The following KCNN2 variants were observed in gnomAD, a reference collection of about 807,000 sequenced individuals.
KCNN2 encodes potassium calcium-activated channel subfamily N member 2.
A neutral mutation model predicts 55.5 loss-of-function variants in KCNN2; 24 were observed. The observed-to-expected ratio is 0.43, with a 90% CI of 0.31 to 0.61. KCNN2 has a LOEUF of 0.61. Ranked by LOEUF, KCNN2 falls within the 20% of genes least tolerant of loss-of-function variation. The probability of loss-of-function intolerance (pLI) is 0.08; values close to 1 mark genes in which losing one functional copy is unlikely to be tolerated. For synonymous variants in KCNN2, 431 were observed against 336.1 expected (o/e 1.28, Z -3.09); for missense variants, 754 against 853.6 (o/e 0.88, Z 1.45).
chr5:114,101,597 C>G (rs1051685471), intron 1 of KCNN2, among the ~76,000 whole-genome samples: 5 of 151,910 alleles, frequency 3.3e-5, no homozygotes, highest in Non-Finnish European at 5.9e-5. Context: ...CCCCCACCCC[C>G]TAACAGGTCC....
Position 114,455,093 on chromosome 5 carries a change from G to T in KCNN2, c.1638-7956G>T, listed in dbSNP as rs150699384. 1.7e-4 allele frequency among the ~76,000 whole-genome samples: 26 copies of T among 151,814 alleles called. No homozygotes were observed. In the East Asian group the frequency reaches 4.4e-3, roughly 26 times the overall value. On this transcript the variant is annotated intron_variant, in intron 3 of 7. Transcript: ENST00000673685. ...TTCTTTTTCAATGTGTTACTTCAGT[G>T]GTTCCTTTGGGGTTTATGGCACACA...
intron 1 of KCNN2, among the ~76,000 whole-genome samples, chr5:114,161,440 TC>T (rs1352471559): frequency 6.8e-6 from 1 of 147,232 alleles, no homozygotes; most frequent in Non-Finnish European, 1.5e-5. Context: ...TAACATTTTT[TC>T]CTTCATTTCA....
At chr5:114,352,996 C>G (rs1267336769) in intron 2 of KCNN2, among the ~76,000 whole-genome samples, 1 of 151,862 alleles carries the variant, frequency 6.6e-6, no homozygotes, top group East Asian at 1.9e-4. Context: ...ATTAAAGTCT[C>G]TATTATTATT....
intron 3 of KCNN2, among the ~76,000 whole-genome samples, chr5:114,423,931 GC>G (rs1445925363): frequency 2.0e-5 from 3 of 152,170 alleles, no homozygotes; most frequent in African/African-American, 7.2e-5. Flanking sequence ...AAGGTGCAGG[GC>G]AGTTTCGAGG....
chr5:114,472,247 C>T (rs946668651), intron 4 of KCNN2, among the ~76,000 whole-genome samples: 1 of 151,494 alleles, frequency 6.6e-6, no homozygotes, highest in African/African-American at 2.4e-5. Flanking sequence ...CGTCTTTCAG[C>T]ACAGAAGACT....
intron 2 of KCNN2, among the ~76,000 whole-genome samples, chr5:114,331,684 A>G (rs1170560504): frequency 1.3e-5 from 2 of 152,244 alleles, no homozygotes; most frequent in Admixed American, 6.5e-5. Context: ...TTCATTAACA[A>G]GTGACCAAGT....
chr5:114,238,729 G>A (rs1754560075), intron 2 of KCNN2, among the ~76,000 whole-genome samples: 1 of 151,980 alleles, frequency 6.6e-6, no homozygotes, highest in Admixed American at 6.6e-5. Flanking sequence ...GGCAATTTAT[G>A]TTAATTTAGA....
At chr5:114,487,018 T>C (rs763352816) in intron 5 of KCNN2, 32 bp from the exon 6 acceptor site, 12 of 1,611,508 alleles carry the variant, frequency 7.4e-6, no homozygotes, top group Non-Finnish European at 9.3e-6. Context: ...TGCTCTGGAA[T>C]TTATCAACTG....
At chr5:114,484,946 G>A (rs1285011639) in intron 5 of KCNN2, among the ~76,000 whole-genome samples, 6 of 152,088 alleles carry the variant, frequency 3.9e-5, no homozygotes, top group Non-Finnish European at 5.9e-5. Context: ...ATAAGGCCTC[G>A]AGGGCATTAC....
At chr5:114,121,970 A>G (rs1751838283) in intron 1 of KCNN2, among the ~76,000 whole-genome samples, 1 of 152,256 alleles carries the variant, frequency 6.6e-6, no homozygotes, top group Non-Finnish European at 1.5e-5. Context: ...GTTTTACACC[A>G]TACAATTTTG....
In KCNN2 at chr5:114,481,392, A is replaced by G. The variant is rs191077100; in HGVS notation, c.1891-5658A>G. On this transcript the variant is annotated intron_variant, in intron 5 of 7. Transcript: ENST00000673685. ...AAACATTCCCTGCTCATAGATAAGA[A>G]TCAATATCATGAAAATAGCCATACT... Among the ~76,000 whole-genome samples, 336 of 152,228 alleles carry G rather than the reference A, an allele frequency of 2.2e-3. 2 individuals are homozygous for G. Among genetic ancestry groups the G allele is most frequent in the African/African-American group, 7.9e-3 (330 of 41,566 alleles).
At chr5:114,372,186 G>A (rs939623881) in intron 2 of KCNN2, among the ~76,000 whole-genome samples, 1 of 152,156 alleles carries the variant, frequency 6.6e-6, no homozygotes, top group Non-Finnish European at 1.5e-5. Flanking sequence ...AAACGTGGTC[G>A]ATATTGGTGG....
chr5:114,139,461 C>CT (rs1300708003), intron 1 of KCNN2, among the ~76,000 whole-genome samples: 1 of 148,910 alleles, frequency 6.7e-6, no homozygotes, highest in Non-Finnish European at 1.5e-5. Flanking sequence ...ACACAACCAC[C>CT]CCCCCCACAC....
At chr5:114,428,091 C>T (rs74864436) in intron 3 of KCNN2, among the ~76,000 whole-genome samples, 3,878 of 152,170 alleles carry the variant, frequency 0.025, 66 homozygotes, top group Non-Finnish European at 0.036. Context: ...CATTTAAGAG[C>T]GGGTCAAGGA....
intron 6 of KCNN2, among the ~76,000 whole-genome samples, 199 bp downstream of exon 6, chr5:114,487,376 T>C (rs1183953425): frequency 6.6e-5 from 10 of 152,316 alleles, no homozygotes; most frequent in African/African-American, 2.2e-4. Context: ...AAAAATCACT[T>C]ATTAGTACTA....
chr5:114,159,894 T>C lies in KCNN2; in HGVS notation c.-270-61586T>C, dbSNP rs543000272. Among the ~76,000 whole-genome samples, 326 of 152,316 alleles carry C rather than the reference T, an allele frequency of 2.1e-3. 2 individuals carry two copies. Among genetic ancestry groups the C allele is most frequent in the Non-Finnish European group, 3.9e-3 (264 of 68,038 alleles). Reference sequence around the variant, plus strand: ...TTGCGTCTATTTGATTCTTCTCTCTTTTCTTCTTTATTAGTCTTGCTAGTG... The same window carrying C: ...TTGCGTCTATTTGATTCTTCTCTCTCTTCTTCTTTATTAGTCTTGCTAGTG... On this transcript the variant is annotated intron_variant, in intron 1 of 10. Transcript: ENST00000512097.
intron 2 of KCNN2, among the ~76,000 whole-genome samples, chr5:114,325,185 A>T (rs1756692163): frequency 6.6e-6 from 1 of 152,220 alleles, no homozygotes; most frequent in Non-Finnish European, 1.5e-5. Context: ...AAAATGCAAG[A>T]AGAAACAGAT....
intron 2 of KCNN2, among the ~76,000 whole-genome samples, chr5:114,300,024 A>C (rs968136710): frequency 1.1e-4 from 1 of 9,028 alleles, no homozygotes; most frequent in African/African-American, 1.8e-4. Flanking sequence ...TCTTCCAAAA[A>C]TGGTGTTTTT....
At chr5:114,459,223 A>T (rs1431723485) in intron 3 of KCNN2, among the ~76,000 whole-genome samples, 1 of 152,220 alleles carries the variant, frequency 6.6e-6, no homozygotes, top group East Asian at 1.9e-4. Flanking sequence ...AAAACTCCAA[A>T]GTCCTCATTT....
Sources: allele counts gnomAD v4.1 joint callset (sites outside exome capture counted in the v4.1 genomes callset), GRCh38; gene constraint gnomAD v4.1.1; transcripts MANE v1.5; gene names NCBI Gene and HGNC (gene_info 2026-07-23, HGNC 2026-07-21).